The following WDR93 variants were observed in gnomAD, a reference collection of about 807,000 sequenced individuals.
WDR93 encodes the protein WD repeat-containing protein 93.
In WDR93, 73 loss-of-function variants were observed where a neutral mutation model predicts 82.9. That is an observed-to-expected ratio of 0.88 (90% confidence interval 0.73 to 1.07). The LOEUF (loss-of-function observed/expected upper bound fraction) is 1.07, where lower values mean the gene tolerates loss of function less well. Ranked by LOEUF, WDR93 falls within the 50% of genes least tolerant of loss-of-function variation. The pLI, the probability that WDR93 is intolerant of heterozygous loss-of-function variation, is 0.00. For missense variants in WDR93, 738 were observed against 826.0 expected (o/e 0.89, Z 1.31); for synonymous variants, 283 against 300.1 (o/e 0.94, Z 0.59).
intron 16 of WDR93, among the ~76,000 whole-genome samples, 164 bp from the exon 17 acceptor site, chr15:89,743,128 G>A (rs1967807444): frequency 6.6e-6 from 1 of 152,234 alleles, no homozygotes; most frequent in South Asian, 2.1e-4. Flanking sequence ...GGCCTTCTGA[G>A]CACCTGCTGT....
Position 89,731,765 on chromosome 15 carries a change from C to T in WDR93, c.1330+203C>T, listed in dbSNP as rs528716995. ...TAATATGTGCTAATGCTTCCCACTG[C>T]CCATGTGTTTATTGAGTGACTTCTC... On this transcript the variant is annotated intron_variant, in intron 12 of 16. Transcript: ENST00000268130. Among the ~76,000 whole-genome samples the T allele has an allele frequency of 6.6e-5, 10 of 152,280 alleles. No homozygotes were observed. In the East Asian group the frequency reaches 1.9e-3, roughly 29 times the overall value.
chr15:89,715,174 AT>A lies in WDR93; in HGVS notation c.756+80del. ...ATCTAGCCCAAGTCCTTGGAAACTT[AT>A]GGTGAATGAGGCCTCTGGGCTATAA... On this transcript the variant is annotated intron_variant, in intron 6 of 16. Transcript: ENST00000268130. 2.4e-6 allele frequency: 3 copies of A among 1,274,078 alleles called. 1 individual carries two copies. The South Asian group carries it at 3.9e-5, about 17-fold the overall frequency. The allele number at this position is 1,274,078 out of a possible 1,614,324, so 78.9% of individuals were successfully genotyped here.
rs754694160 is a variant in WDR93, at chr15:89,712,082, C to A, written c.618C>A (p.Asp206Glu). Residue 206 changes from aspartate to glutamate, a missense_variant, in exon 5 of 17, where the codon GAC (aspartate) becomes GAA (glutamate). By Grantham distance (45) the Asp-to-Glu change is conservative. Transcript: ENST00000268130. ...CIKMEISQGG[D>E]FAAFLLQGAG... The stretch of plus-strand genomic sequence containing the variant: ...AGATGGAGATCTCTCAAGGAGGGGA[C>A]TTTGCAGCCTTCCTCCTACAAGGCA... The A allele has an allele frequency of 6.2e-7, 1 of 1,613,028 alleles. No homozygotes were observed. Among genetic ancestry groups the A allele is most frequent in the Non-Finnish European group, 8.5e-7 (1 of 1,179,422 alleles).
Position 89,730,778 on chromosome 15 carries a change from C to T in WDR93, c.1211-665C>T, listed in dbSNP as rs909802512. On this transcript the variant is annotated intron_variant, in intron 11 of 16. Coordinates refer to ENST00000268130, the MANE Select transcript of WDR93 (RefSeq NM_020212.2). ...GCATGAGCCTGTAGTCCCAACTACT[C>T]AGGAGGCTGGGCCAGGAGGATCACT... Among the ~76,000 whole-genome samples, 11 of 151,272 alleles carry T rather than the reference C, an allele frequency of 7.3e-5. No individual in the cohort carries two copies. In the East Asian group the frequency reaches 2.1e-3, roughly 30 times the overall value.
At chr15:89,699,635 T>A (rs1567096179) in intron 1 of WDR93, among the ~76,000 whole-genome samples, 2 of 152,040 alleles carry the variant, frequency 1.3e-5, no homozygotes, top group Non-Finnish European at 2.9e-5. Context: ...CTTCTCTTTT[T>A]TTCAGTCTTT....
At chr15:89,700,774 C>A (rs1965421997) in intron 1 of WDR93, among the ~76,000 whole-genome samples, 1 of 149,920 alleles carries the variant, frequency 6.7e-6, no homozygotes, top group South Asian at 2.1e-4. Context: ...CCAAGCTAGT[C>A]TCAAACTCCT....
intron 13 of WDR93, among the ~76,000 whole-genome samples, chr15:89,734,885 A>G (rs1369280595): frequency 6.6e-6 from 1 of 152,210 alleles, no homozygotes; most frequent in Non-Finnish European, 1.5e-5. Context: ...CTGTATCTCT[A>G]AACAGTATAT....
intron 8 of WDR93, 29 bp downstream of exon 8, chr15:89,722,168 T>G (rs1474280353): frequency 1.4e-6 from 2 of 1,466,808 alleles, no homozygotes; most frequent in East Asian, 4.7e-5. Flanking sequence ...TCTCTCCTTT[T>G]GCCATTGATT....
chr15:89,732,109 A>G (rs965596362), intron 12 of WDR93, among the ~76,000 whole-genome samples: 3 of 152,170 alleles, frequency 2.0e-5, no homozygotes, highest in Non-Finnish European at 2.9e-5. Context: ...AATCAATGAT[A>G]TTGCTTCCTA....
intron 7 of WDR93, among the ~76,000 whole-genome samples, chr15:89,721,629 T>C (rs779913706): frequency 1.3e-5 from 2 of 152,168 alleles, no homozygotes; most frequent in Non-Finnish European, 2.9e-5. Context: ...AAAAACTGTT[T>C]CAAAGATGGG....
At chr15:89,721,895 G>GTCTTGCTATTTACTTTTACAA (rs1238691610) in intron 7 of WDR93, among the ~76,000 whole-genome samples, 160 bp from the exon 8 acceptor site, 1 of 152,178 alleles carries the variant, frequency 6.6e-6, no homozygotes, top group Non-Finnish European at 1.5e-5. Flanking sequence ...TAAATCTACA[G>GTCTTGCTATTTACTTTTACAA]TCTTGCTATT....
chr15:89,717,002 A>AT (rs1225330433), intron 7 of WDR93, 53 bp downstream of exon 7: 13 of 885,094 alleles, frequency 1.5e-5, no homozygotes, highest in East Asian at 8.9e-5. Context: ...TATTTTAGAG[A>AT]TTTTTTAAAA....
chr15:89,733,166 T>C lies in WDR93; in HGVS notation c.1491T>C (p.His497=). 3 of 1,614,128 alleles carry C rather than the reference T, an allele frequency of 1.9e-6. No individual in the cohort carries two copies. Among genetic ancestry groups the C allele is most frequent in the Non-Finnish European group, 2.5e-6 (3 of 1,179,960 alleles). The change falls in exon 13 of 17, where the codon CAT becomes CAC. Residue 497 remains histidine, a synonymous_variant. Coordinates refer to ENST00000268130, the MANE Select transcript of WDR93 (RefSeq NM_020212.2). ...CVVLCTDASL[H]LVEASGTQGP... is the part of the protein sequence containing the mutation. ...TGCTGTGCACAGACGCCTCCCTCCA[T>C]CTGGTGGAGGCTAGCGGGACCCAAG... is the stretch of plus-strand genomic sequence containing the variant.
intron 5 of WDR93, among the ~76,000 whole-genome samples, chr15:89,713,821 CCAT>C (rs1966116323): frequency 6.6e-6 from 1 of 152,116 alleles, no homozygotes; most frequent in Admixed American, 6.6e-5. Context: ...AACTTGTGCA[CCAT>C]CTGTATTGGT....
intron 6 of WDR93, among the ~76,000 whole-genome samples, chr15:89,715,672 C>T (rs1343151372): frequency 6.6e-6 from 1 of 152,118 alleles, no homozygotes; most frequent in Non-Finnish European, 1.5e-5. Context: ...CAACCTCTGC[C>T]TCCCGGGTTC....
At chr15:89,722,220 C>A in intron 8 of WDR93, 81 bp downstream of exon 8, 1 of 1,131,204 alleles carries the variant, frequency 8.8e-7, no homozygotes, top group Admixed American at 2.6e-5. Flanking sequence ...ATCTTTTCAA[C>A]TTATTAGCAA....
At chr15:89,731,318 G>C (rs1020928722) in intron 11 of WDR93, 125 bp from the exon 12 acceptor site, 15 of 1,430,212 alleles carry the variant, frequency 1.0e-5, no homozygotes, top group Non-Finnish European at 1.4e-5. Context: ...GGTGAGTCCA[G>C]ACAGGTGCTC....
chr15:89,692,379 G>A (rs1286844161), intron 1 of WDR93, among the ~76,000 whole-genome samples: 1 of 152,228 alleles, frequency 6.6e-6, no homozygotes, highest in Non-Finnish European at 1.5e-5. Flanking sequence ...AGAGGAAAGA[G>A]CCTCGAAGAG....
Position 89,733,234 on chromosome 15 carries a change from G to A in WDR93, c.1544+15G>A. ...CTTGTTGAGAGGTCAGTAGCTTGAG[G>A]GTGGGACGGGGTAAATAATTGGCCA... On this transcript the variant is annotated intron_variant, in intron 13 of 16. Transcript: ENST00000268130. The A allele has an allele frequency of 6.2e-7, 1 of 1,604,870 alleles. No individual in the cohort carries two copies. The highest frequency in any genetic ancestry group is 2.2e-5 in the East Asian group (1 of 44,686).
Sources: allele counts gnomAD v4.1 joint callset (sites outside exome capture counted in the v4.1 genomes callset), GRCh38; gene constraint gnomAD v4.1.1; transcripts MANE v1.5; gene names NCBI Gene and HGNC (gene_info 2026-07-23, HGNC 2026-07-21).